The following SLCO3A1 variants were observed in gnomAD, a reference collection of about 807,000 sequenced individuals.
SLCO3A1 encodes solute carrier organic anion transporter family member 3A1.
A neutral mutation model predicts 63.1 loss-of-function variants in SLCO3A1; 27 were observed. The observed-to-expected ratio is 0.43, with a 90% CI of 0.32 to 0.59. The LOEUF (loss-of-function observed/expected upper bound fraction) is 0.59, where lower values mean the gene tolerates loss of function less well. SLCO3A1 is among the 20% of genes least tolerant of loss of function. SLCO3A1 has a pLI of 0.09. For synonymous variants in SLCO3A1, 473 were observed against 409.9 expected, an observed-to-expected ratio of 1.15 and a Z score of -1.86; for missense variants, 773 against 945.8, an observed-to-expected ratio of 0.82 and a Z score of 2.40.
intron 2 of SLCO3A1, 128 bp from the exon 3 acceptor site, chr15:92,094,744 TCCCCTCTAG>T: frequency 1.7e-6 from 1 of 600,732 alleles, no homozygotes; most frequent in Non-Finnish European, 3.0e-6. Flanking sequence ...ATTCAGCCTT[TCCCCTCTAG>T]GATTTTTAGA....
rs1231625298 is a variant in SLCO3A1 at position 92,147,100 on chromosome 15, G to A, written c.1629G>A (p.Met543Ile). ...QEAFLTFLCV[M>I]CICSLIGAMA... Reference sequence around the variant, plus strand: ...CCTTCCTCACTTTCCTCTGTGTGATGTGTATCTGCAGCCTGATCGGTGCCA... The same window carrying A: ...CCTTCCTCACTTTCCTCTGTGTGATATGTATCTGCAGCCTGATCGGTGCCA... Residue 543 changes from methionine (M) to isoleucine (I), a missense_variant, in exon 8 of 10, where the codon ATG becomes ATA. Physicochemically the swap from Met to Ile is conservative, Grantham distance 10. Transcript: ENST00000318445. 1 of 1,612,170 alleles carries A rather than the reference G, an allele frequency of 6.2e-7. No individual in the cohort carries two copies. The highest frequency in any genetic ancestry group is 1.4e-5 in the African/African-American group (1 of 73,378).
intron 1 of SLCO3A1, among the ~76,000 whole-genome samples, chr15:91,910,333 T>G (rs1026689685): frequency 2.0e-5 from 3 of 152,228 alleles, no homozygotes; most frequent in Non-Finnish European, 2.9e-5. Context: ...TGTTGCAGGC[T>G]GTACCATTGT....
intron 4 of SLCO3A1, among the ~76,000 whole-genome samples, chr15:92,118,692 C>G (rs2047825177): frequency 6.6e-6 from 1 of 152,098 alleles, no homozygotes; most frequent in East Asian, 1.9e-4. Flanking sequence ...GACTCCCTGC[C>G]CACCTGTTTA....
At chr15:92,112,483 C>T (rs978718332) in intron 4 of SLCO3A1, among the ~76,000 whole-genome samples, 4 of 152,214 alleles carry the variant, frequency 2.6e-5, no homozygotes, top group African/African-American at 9.6e-5. Flanking sequence ...TGGGCCACAG[C>T]CCAGGAATTC....
chr15:92,134,514 A>G (rs1241758543), intron 7 of SLCO3A1, among the ~76,000 whole-genome samples: 1 of 152,228 alleles, frequency 6.6e-6, no homozygotes, highest in Non-Finnish European at 1.5e-5. Context: ...AATATAGTTA[A>G]GTGAAAAGAA....
intron 2 of SLCO3A1, among the ~76,000 whole-genome samples, chr15:91,928,106 A>G (rs9920349): frequency 0.71 from 108,048 of 152,172 alleles, 38,949 homozygotes; most frequent in East Asian, 0.92. Context: ...TTTAAATATC[A>G]GCCTTGTTAC....
intron 2 of SLCO3A1, among the ~76,000 whole-genome samples, chr15:91,979,958 T>C (rs1049474640): frequency 6.6e-6 from 1 of 152,204 alleles, no homozygotes; most frequent in African/African-American, 2.4e-5. Context: ...CCACTGAGCT[T>C]CACTTAAGCA....
chr15:92,005,365 G>A (rs1237885802), intron 2 of SLCO3A1, among the ~76,000 whole-genome samples: 1 of 152,214 alleles, frequency 6.6e-6, no homozygotes, highest in African/African-American at 2.4e-5. Flanking sequence ...GTGCCGAAGG[G>A]GCTGATCGCT....
At chr15:91,891,214 A>G (rs1897862194) in intron 1 of SLCO3A1, among the ~76,000 whole-genome samples, 1 of 152,046 alleles carries the variant, frequency 6.6e-6, no homozygotes, top group Non-Finnish European at 1.5e-5. Flanking sequence ...TGGACCATTC[A>G]AATCAGCCAC....
At chr15:92,116,692 G>C (rs1480770979) in intron 4 of SLCO3A1, among the ~76,000 whole-genome samples, 3 of 152,222 alleles carry the variant, frequency 2.0e-5, no homozygotes, top group Non-Finnish European at 4.4e-5. Context: ...GAAACACAGG[G>C]TTGGCCCTAG....
intron 1 of SLCO3A1, among the ~76,000 whole-genome samples, chr15:91,870,789 T>C (rs1897262900): frequency 6.6e-6 from 1 of 152,208 alleles, no homozygotes; most frequent in Admixed American, 6.5e-5. Context: ...ACCATCTTTC[T>C]TTAGTCCTGT....
chr15:92,039,778 C>T (rs1245569831), intron 2 of SLCO3A1, among the ~76,000 whole-genome samples: 1 of 152,144 alleles, frequency 6.6e-6, no homozygotes. Flanking sequence ...ATGTTTATTA[C>T]AGCACTGTTT....
At chr15:91,994,504 T>C (rs1016749280) in intron 2 of SLCO3A1, among the ~76,000 whole-genome samples, 10 of 152,220 alleles carry the variant, frequency 6.6e-5, no homozygotes, top group Admixed American at 2.0e-4. Flanking sequence ...CCAGAGTCCA[T>C]GCCCTCAGCA....
At chr15:92,078,052 A>G (rs188001890) in intron 2 of SLCO3A1, among the ~76,000 whole-genome samples, 252 of 152,230 alleles carry the variant, frequency 1.7e-3, no homozygotes, top group African/African-American at 5.5e-3. Context: ...GCCCTAGCAC[A>G]TGGCGGGTAT....
At chr15:92,127,194 C>CT (rs2047935144) in intron 6 of SLCO3A1, among the ~76,000 whole-genome samples, 1 of 152,240 alleles carries the variant, frequency 6.6e-6, no homozygotes, top group Non-Finnish European at 1.5e-5. Context: ...CCCAGCCTGG[C>CT]CCCGACTTCG....
At chr15:91,978,470 A>C (rs543614918) in intron 2 of SLCO3A1, among the ~76,000 whole-genome samples, 1 of 152,198 alleles carries the variant, frequency 6.6e-6, no homozygotes, top group African/African-American at 2.4e-5. Flanking sequence ...CCACCAACTC[A>C]TCTAAGCCCT....
At chr15:91,952,446 A>C (rs934684462) in intron 2 of SLCO3A1, among the ~76,000 whole-genome samples, 1 of 152,262 alleles carries the variant, frequency 6.6e-6, no homozygotes, top group Non-Finnish European at 1.5e-5. Context: ...AGCACCTGGC[A>C]TAAAGTAGGA....
chr15:92,143,876 A>C (rs2048184014), intron 7 of SLCO3A1, among the ~76,000 whole-genome samples: 1 of 152,082 alleles, frequency 6.6e-6, no homozygotes, highest in Admixed American at 6.5e-5. Context: ...GCTCAGGGGA[A>C]CATCCCAGGA....
chr15:91,938,687 C>A (rs1899506914), intron 2 of SLCO3A1, among the ~76,000 whole-genome samples: 1 of 152,104 alleles, frequency 6.6e-6, no homozygotes, highest in Admixed American at 6.5e-5. Flanking sequence ...GATTAACTTG[C>A]CCACGATCAC....
Sources: allele counts gnomAD v4.1 joint callset (sites outside exome capture counted in the v4.1 genomes callset), GRCh38; gene constraint gnomAD v4.1.1; transcripts MANE v1.5; gene names NCBI Gene and HGNC (gene_info 2026-07-23, HGNC 2026-07-21).